The following TOPBP1 variants were observed in gnomAD, a reference collection of about 807,000 sequenced individuals.
TOPBP1 encodes the protein DNA topoisomerase II binding protein 1.
TOPBP1 carries 28 observed loss-of-function variants against 167.7 expected under a neutral mutation model. The observed-to-expected ratio is 0.17, with a 90% CI of 0.12 to 0.23. The LOEUF (loss-of-function observed/expected upper bound fraction) is 0.23. Ranked by LOEUF, TOPBP1 falls within the 10% of genes least tolerant of loss-of-function variation. The pLI is 1.00. For synonymous variants in TOPBP1, 598 were observed against 611.4 expected, an observed-to-expected ratio of 0.98 and a Z score of 0.32; for missense variants, 1,554 against 1,809.6, an observed-to-expected ratio of 0.86 and a Z score of 2.56.
In TOPBP1 at chr3:133,655,404, A is replaced by C; in HGVS notation, c.628T>G (p.Leu210Val). The change falls in exon 6 of 28, where the codon TTA becomes GTA. Residue 210 changes from leucine (L) to valine (V), a missense_variant. Coordinates refer to ENST00000260810, the MANE Select transcript of TOPBP1 (RefSeq NM_007027.4). ...ACTTCTTTCCTGTCTAAGCCACATA[A>C]GCCAGTCACACAGATTATGCAACCA... ...FLGCIICVTG[L>V]CGLDRKEVQQ... 1 of 1,606,310 alleles carries C rather than the reference A, an allele frequency of 6.2e-7. No individual in the cohort carries two copies. Among genetic ancestry groups the C allele is most frequent in the Non-Finnish European group, 8.5e-7 (1 of 1,176,326 alleles).
In TOPBP1 at chr3:133,608,603, T is replaced by C. The variant is rs1409936930; in HGVS notation, c.4357A>G (p.Ile1453Val). ...KLKPDDSGVN[I>V]AEAAAQNVYC... ...ACGTTCTGGGCAGCAGCTTCTGCTA[T>C]ATTAACTCCTGAGTCATCTGGTTTC... is the stretch of plus-strand genomic sequence containing the variant. Residue 1453 changes from isoleucine to valine, a missense_variant, in exon 27 of 28, where the codon ATA becomes GTA. Physicochemically the swap from Ile to Val is conservative, Grantham distance 29. This residue lies in a region of TOPBP1 where 351 missense variants were observed against 432.9 expected (regional missense o/e 0.81). Transcript: ENST00000260810. The C allele has an allele frequency of 6.2e-7, 1 of 1,613,876 alleles. No homozygotes were observed. The highest frequency in any genetic ancestry group is 8.5e-7 in the Non-Finnish European group (1 of 1,179,812).
In TOPBP1 at chr3:133,612,503, A is replaced by G; in HGVS notation, c.3921T>C (p.Ile1307=). The part of the protein sequence containing the change: ...KQCFDPTCTH[I]VVGHPLRNEK... The stretch of plus-strand genomic sequence containing the variant: ...CGTTTCGAAGTGGATGTCCCACAAC[A>G]ATGTGTGTACAGGTGGGATCAAAGC... Residue 1307 remains isoleucine, a synonymous_variant, in exon 24 of 28, where the codon ATT becomes ATC. Transcript: ENST00000260810. The G allele has an allele frequency of 6.2e-7, 1 of 1,613,944 alleles. No individual in the cohort carries two copies. Among genetic ancestry groups the G allele is most frequent in the Non-Finnish European group, 8.5e-7 (1 of 1,179,856 alleles).
chr3:133,601,160 T>C lies in TOPBP1; in HGVS notation c.*90A>G, dbSNP rs1934279342. On this transcript the variant is annotated 3_prime_UTR_variant, in exon 28 of 28. Coordinates refer to ENST00000260810, the MANE Select transcript of TOPBP1 (RefSeq NM_007027.4). ...AAGCAGAATTCTTCAGGTACTCATC[T>C]TTAAATTACTACCCAAATCTATCAC... The C allele has an allele frequency of 8.1e-7, 1 of 1,227,570 alleles. No individual in the cohort carries two copies. Among genetic ancestry groups the C allele is most frequent in the Non-Finnish European group, 1.1e-6 (1 of 885,356 alleles). 76.0% of individuals were successfully genotyped at this position (1,227,570 alleles called of 1,614,324 possible).
Position 133,640,035 on chromosome 3 carries a change from A to G in TOPBP1, c.2157T>C (p.Ala719=), listed in dbSNP as rs537150383. ...KKWNLPAVTI[A]WLLETARTGK... ...CCGTTCTAGCAGTCTCCAACAGCCA[A>G]GCTATAGTAACGGCAGGTAAATTCC... The change falls in exon 13 of 28, where the codon GCT becomes GCC. Residue 719 remains alanine, a synonymous_variant. Coordinates refer to ENST00000260810, the MANE Select transcript of TOPBP1 (RefSeq NM_007027.4). The G allele has an allele frequency of 1.1e-5, 17 of 1,613,916 alleles. No individual in the cohort carries two copies. In the South Asian group the frequency reaches 1.8e-4, roughly 17 times the overall value.
intron 19 of TOPBP1, among the ~76,000 whole-genome samples, chr3:133,621,206 T>C (rs1935078398): frequency 6.6e-6 from 1 of 152,054 alleles, no homozygotes; most frequent in African/African-American, 2.4e-5. Flanking sequence ...AGAGACAAGG[T>C]CTCACTATGT....
intron 17 of TOPBP1, 96 bp from the exon 18 acceptor site, chr3:133,623,553 A>C: frequency 1.5e-6 from 2 of 1,324,014 alleles, no homozygotes; most frequent in Non-Finnish European, 2.0e-6. Flanking sequence ...ATTATACTGT[A>C]ATATGGCAAA....
At chr3:133,622,167 T>TAGTA (rs1430938981) in intron 19 of TOPBP1, among the ~76,000 whole-genome samples, 1 of 149,220 alleles carries the variant, frequency 6.7e-6, no homozygotes, top group Non-Finnish European at 1.5e-5. Context: ...ATAGCATGTA[T>TAGTA]AGTAGTCCAC....
chr3:133,632,160 T>A (rs2107799301), intron 14 of TOPBP1, among the ~76,000 whole-genome samples: 1 of 151,882 alleles, frequency 6.6e-6, no homozygotes, highest in Admixed American at 6.6e-5. Flanking sequence ...ATCCCAGCAT[T>A]TTGGGAGGCT....
intron 23 of TOPBP1, among the ~76,000 whole-genome samples, chr3:133,613,552 G>A (rs1419852655): frequency 6.6e-6 from 1 of 152,032 alleles, no homozygotes; most frequent in African/African-American, 2.4e-5. Context: ...AAATAATGTC[G>A]GCAGACCAAC....
Position 133,618,267 on chromosome 3 carries a change from A to G in TOPBP1, c.3538T>C (p.Leu1180=). 6.2e-7 allele frequency: 1 copy of G among 1,614,008 alleles called. No individual in the cohort carries two copies. ...GGCTTTTGAAAAGGAGAATCCTCCAAGTTTTGAATGTCAACCTGAAGCTCA... is the reference window on the plus strand; with the variant it reads ...GGCTTTTGAAAAGGAGAATCCTCCAGGTTTTGAATGTCAACCTGAAGCTCA... ...YSELQVDIQN[L]EDSPFQKPLH... Residue 1180 remains leucine (L), a synonymous_variant, in exon 21 of 28, where the codon TTG becomes CTG. Coordinates refer to ENST00000260810, the MANE Select transcript of TOPBP1 (RefSeq NM_007027.4).
chr3:133,610,417 T>C (rs903344839), intron 25 of TOPBP1, among the ~76,000 whole-genome samples: 1 of 152,084 alleles, frequency 6.6e-6, no homozygotes, highest in Non-Finnish European at 1.5e-5. Context: ...ATAGTTTCTC[T>C]TGATAAATCA....
chr3:133,618,439 G>C lies in TOPBP1; in HGVS notation c.3372-6C>G. ...GTACTGTCTGACGAGACTGCCTAAG[G>C]AATAGAAGTGACAGTTTAAATAAAC... On this transcript the variant is annotated splice_polypyrimidine_tract_variant and splice_region_variant and intron_variant, in intron 20 of 27. Transcript: ENST00000260810. 2 of 1,608,796 alleles carry C rather than the reference G, an allele frequency of 1.2e-6. No homozygotes were observed. Among genetic ancestry groups the C allele is most frequent in the Non-Finnish European group, 1.7e-6 (2 of 1,175,702 alleles).
intron 14 of TOPBP1, among the ~76,000 whole-genome samples, chr3:133,632,291 G>C (rs1222570213): frequency 1.3e-5 from 2 of 151,966 alleles, no homozygotes; most frequent in Non-Finnish European, 2.9e-5. Flanking sequence ...TGTAATCCCA[G>C]TTACTTGGGA....
chr3:133,633,549 G>C (rs1418588864), intron 14 of TOPBP1, among the ~76,000 whole-genome samples: 1 of 152,158 alleles, frequency 6.6e-6, no homozygotes, highest in African/African-American at 2.4e-5. Context: ...CCAACACTTT[G>C]GGAGGCCAAG....
At chr3:133,641,555 C>T (rs1935890809) in intron 12 of TOPBP1, among the ~76,000 whole-genome samples, 1 of 151,982 alleles carries the variant, frequency 6.6e-6, no homozygotes, top group African/African-American at 2.4e-5. Context: ...TTTGTAAAGA[C>T]AGGGTCTCAG....
intron 10 of TOPBP1, among the ~76,000 whole-genome samples, chr3:133,649,070 C>G (rs1285464589): frequency 6.6e-6 from 1 of 151,960 alleles, no homozygotes; most frequent in East Asian, 1.9e-4. Context: ...CCACAATAAT[C>G]CAGTAAGAGG....
intron 10 of TOPBP1, among the ~76,000 whole-genome samples, chr3:133,646,006 G>C (rs1173835565): frequency 6.6e-6 from 1 of 151,936 alleles, no homozygotes; most frequent in Non-Finnish European, 1.5e-5. Flanking sequence ...AATTAGCTGG[G>C]CATGGTGGCA....
intron 23 of TOPBP1, among the ~76,000 whole-genome samples, chr3:133,613,784 C>CTTTT (rs11393295): frequency 3.9e-5 from 5 of 127,262 alleles, no homozygotes; most frequent in African/African-American, 6.0e-5. Context: ...ATATCAAGGA[C>CTTTT]TTTTTTTTTT....
At chr3:133,610,821 A>G (rs150271925) in intron 25 of TOPBP1, among the ~76,000 whole-genome samples, 183 bp downstream of exon 25, 5 of 152,280 alleles carry the variant, frequency 3.3e-5, no homozygotes, top group African/African-American at 1.2e-4. Flanking sequence ...GATTCTTTGG[A>G]AGAAATGCAA....
Sources: allele counts gnomAD v4.1 joint callset (sites outside exome capture counted in the v4.1 genomes callset), GRCh38; gene constraint gnomAD v4.1.1; regional missense constraint gnomAD v4.1.1; transcripts MANE v1.5; gene names NCBI Gene and HGNC (gene_info 2026-07-23, HGNC 2026-07-21).